Variants in TANC1 observed in about 807,000 individuals in gnomAD.
TANC1 encodes tetratricopeptide repeat, ankyrin repeat and coiled-coil containing 1.
In TANC1, 77 loss-of-function variants were observed where a neutral mutation model predicts 149.7. The ratio of observed to expected loss-of-function variants is 0.51; its 90% confidence interval spans 0.43 to 0.62. The LOEUF is 0.62. Among genes scored for constraint, TANC1 ranks in the 20% least tolerant of loss-of-function variants. TANC1 has a pLI of 0.00. For synonymous variants in TANC1, 854 were observed against 925.0 expected (o/e 0.92, Z 1.39); for missense variants, 1,985 against 2,321.8 (o/e 0.85, Z 2.98).
chr2:159,169,503 A>G lies in TANC1; in HGVS notation c.1069+131A>G, dbSNP rs1339297322. 38 of 986,294 alleles carry G rather than the reference A, an allele frequency of 3.9e-5. 1 individual carries two copies. The highest frequency in any genetic ancestry group is 5.6e-5 in the Non-Finnish European group (37 of 656,002). 61.1% of individuals were successfully genotyped at this position (986,294 alleles called of 1,614,324 possible). On this transcript the variant is annotated intron_variant, in intron 9 of 26. Transcript: ENST00000263635. ...TGGAAAGTGTGTTTGTGCTAAAAGCATATCTGTGAGGTGTGCTAAGAGGTC... is the reference window on the plus strand; with the variant it reads ...TGGAAAGTGTGTTTGTGCTAAAAGCGTATCTGTGAGGTGTGCTAAGAGGTC...
rs563856913 is a variant in TANC1 at position 159,216,997 on chromosome 2, T to C, written c.3245-500T>C. The stretch of plus-strand genomic sequence containing the variant: ...TCCTGAGAAAAACAAAAACAAAACT[T>C]AGCCACCTCTGAATCTATAGTTTAG... On this transcript the variant is annotated intron_variant, in intron 19 of 26. Transcript: ENST00000263635. Among the ~76,000 whole-genome samples, 3 of 152,286 alleles carry C rather than the reference T, an allele frequency of 2.0e-5. No individual in the cohort carries two copies. In the South Asian group the frequency reaches 6.2e-4, roughly 32 times the overall value.
At position 158,989,871 on chromosome 2, in the gene TANC1, T is replaced by C. The variant is rs115131572; in HGVS notation, c.-125-11209T>C. 5.4e-3 allele frequency among the ~76,000 whole-genome samples: 827 copies of C among 152,074 alleles called. 4 individuals are homozygous for C. The highest frequency in any genetic ancestry group is 0.019 in the African/African-American group (778 of 41,474). On this transcript the variant is annotated intron_variant, in intron 1 of 26. Coordinates refer to ENST00000263635, the MANE Select transcript of TANC1 (RefSeq NM_033394.3). ...AATTCCAGCCCTCCTCTAATGCCCT[T>C]GGATAAATTTCTTCACGGCCTTAGT...
chr2:159,229,504 C>A, intron 26 of TANC1, 74 bp from the exon 27 acceptor site: 1 of 1,245,030 alleles, frequency 8.0e-7, no homozygotes. Flanking sequence ...TTGAGCACAG[C>A]TCTTTTATGA....
chr2:159,126,237 C>A (rs1030019014), intron 4 of TANC1, among the ~76,000 whole-genome samples: 1 of 152,124 alleles, frequency 6.6e-6, no homozygotes, highest in African/African-American at 2.4e-5. Context: ...TTTGGCCCAC[C>A]AAAGGCAGAA....
At chr2:159,110,855 G>A (rs1262759174) in intron 4 of TANC1, among the ~76,000 whole-genome samples, 6 of 152,146 alleles carry the variant, frequency 3.9e-5, no homozygotes, top group Non-Finnish European at 8.8e-5. Flanking sequence ...CCACCCTCTG[G>A]TCTGTGTTTT....
intron 2 of TANC1, among the ~76,000 whole-genome samples, chr2:159,049,512 G>T (rs577017670): frequency 6.6e-6 from 1 of 152,204 alleles, no homozygotes; most frequent in South Asian, 2.1e-4. Context: ...CTAAAGAACC[G>T]TCCAGGGTGG....
chr2:159,054,610 GCTGT>G (rs2041711288), intron 2 of TANC1, among the ~76,000 whole-genome samples: 1 of 152,122 alleles, frequency 6.6e-6, no homozygotes, highest in Non-Finnish European at 1.5e-5. Context: ...CATCTTTGAG[GCTGT>G]CTGACCCTTC....
intron 1 of TANC1, among the ~76,000 whole-genome samples, chr2:158,990,437 C>T (rs1383226872): frequency 6.6e-6 from 1 of 152,172 alleles, no homozygotes; most frequent in East Asian, 1.9e-4. Context: ...TAGGCTGACA[C>T]ATGAATTCAT....
intron 17 of TANC1, 58 bp downstream of exon 17, chr2:159,194,551 T>C (rs1184894227): frequency 2.1e-6 from 3 of 1,408,714 alleles, no homozygotes; most frequent in Non-Finnish European, 3.0e-6. Flanking sequence ...ATCTCATTGC[T>C]AGAATTGTTA....
intron 14 of TANC1, among the ~76,000 whole-genome samples, chr2:159,182,661 A>G (rs2056608329): frequency 6.6e-6 from 1 of 152,022 alleles, no homozygotes; most frequent in Admixed American, 6.6e-5. Flanking sequence ...TCTCACCCCT[A>G]TTTCCTATAA....
intron 2 of TANC1, among the ~76,000 whole-genome samples, chr2:159,018,105 G>C (rs564918810): frequency 6.6e-5 from 10 of 152,262 alleles, no homozygotes; most frequent in Admixed American, 5.2e-4. Flanking sequence ...TGGCAGGAAG[G>C]CTTCCATTTT....
intron 2 of TANC1, among the ~76,000 whole-genome samples, chr2:159,029,175 G>A (rs1334169230): frequency 2.0e-5 from 3 of 152,132 alleles, no homozygotes; most frequent in Non-Finnish European, 4.4e-5. Context: ...GCATGTATCA[G>A]GATTTCCTTT....
chr2:159,215,073 G>C (rs1377551557), intron 19 of TANC1, among the ~76,000 whole-genome samples: 1 of 152,228 alleles, frequency 6.6e-6, no homozygotes, highest in Non-Finnish European at 1.5e-5. Context: ...CTGAGGACCA[G>C]AAGCGAAGTG....
intron 3 of TANC1, among the ~76,000 whole-genome samples, chr2:159,092,145 T>C (rs1250132250): frequency 1.3e-5 from 2 of 152,218 alleles, no homozygotes; most frequent in African/African-American, 4.8e-5. Context: ...TCTTTTTCTA[T>C]TCTAAGCTTC....
intron 3 of TANC1, among the ~76,000 whole-genome samples, chr2:159,082,840 A>C (rs2044419131): frequency 6.6e-6 from 1 of 152,234 alleles, no homozygotes. Flanking sequence ...TGTGTAGTGC[A>C]GTGATTCCTA....
intron 13 of TANC1, among the ~76,000 whole-genome samples, chr2:159,177,771 T>G (rs980635218): frequency 6.6e-6 from 1 of 152,186 alleles, no homozygotes; most frequent in African/African-American, 2.4e-5. Context: ...GCAAAACTCT[T>G]CTTTGCTTTT....
At chr2:158,984,231 T>G (rs842064) in intron 1 of TANC1, among the ~76,000 whole-genome samples, 33,947 of 152,214 alleles carry the variant, frequency 0.22, 4,166 homozygotes, top group South Asian at 0.46. Context: ...CCCTTTTAAC[T>G]GTCCCAACTC....
chr2:159,062,515 A>G (rs935447106), intron 2 of TANC1, among the ~76,000 whole-genome samples: 2 of 152,188 alleles, frequency 1.3e-5, no homozygotes, highest in Admixed American at 6.5e-5. Flanking sequence ...GGGAAGTGTG[A>G]TGATGCAGAA....
At chr2:159,134,385 A>G (rs978768095) in intron 4 of TANC1, among the ~76,000 whole-genome samples, 5 of 151,368 alleles carry the variant, frequency 3.3e-5, no homozygotes, top group African/African-American at 9.7e-5. Flanking sequence ...GCTCACTGCA[A>G]CCTTTACCTC....
Sources: allele counts gnomAD v4.1 joint callset (sites outside exome capture counted in the v4.1 genomes callset), GRCh38; gene constraint gnomAD v4.1.1; transcripts MANE v1.5; gene names NCBI Gene and HGNC (gene_info 2026-07-23, HGNC 2026-07-21).